Variants in CCSER1 observed in about 807,000 individuals in gnomAD.
The protein encoded by CCSER1 is coiled-coil serine rich protein 1.
A neutral mutation model predicts 82.0 loss-of-function variants in CCSER1; 41 were observed. That is an observed-to-expected ratio of 0.50 (90% CI 0.39 to 0.65). CCSER1 has a LOEUF of 0.65. Among genes scored for constraint, CCSER1 ranks in the 30% least tolerant of loss-of-function variants. The pLI is 0.00. For missense variants in CCSER1, 1,119 were observed against 1,064.2 expected (o/e 1.05, Z -0.72); for synonymous variants, 414 against 383.9 (o/e 1.08, Z -0.92).
At chr4:90,354,074 A>C (rs1743989336) in intron 3 of CCSER1, among the ~76,000 whole-genome samples, 1 of 152,192 alleles carries the variant, frequency 6.6e-6, no homozygotes, top group Admixed American at 6.6e-5. Flanking sequence ...ACAGATAAAG[A>C]ATATGTGGTA....
intron 10 of CCSER1, among the ~76,000 whole-genome samples, chr4:91,241,573 G>A (rs559521815): frequency 0.12 from 18,461 of 150,460 alleles, 1,309 homozygotes; most frequent in Middle Eastern, 0.18. Context: ...TGATCCACCC[G>A]CCTCAGCCTC....
chr4:90,507,410 A>G (rs1299466999), intron 5 of CCSER1, among the ~76,000 whole-genome samples: 1 of 152,010 alleles, frequency 6.6e-6, no homozygotes, highest in African/African-American at 2.4e-5. Context: ...AAAACATACA[A>G]CTATTAAATT....
chr4:91,172,855 T>C (rs1433259084), intron 10 of CCSER1, among the ~76,000 whole-genome samples: 1 of 152,118 alleles, frequency 6.6e-6, no homozygotes, highest in Non-Finnish European at 1.5e-5. Flanking sequence ...ATATTGCTAA[T>C]CTAAACTCAT....
rs545556260 is a variant in CCSER1, at chr4:90,962,231, T to TA, written c.2172+38793dup. Among the ~76,000 whole-genome samples the TA allele has an allele frequency of 3.6e-3, 551 of 151,106 alleles. 5 individuals carry two copies. Among genetic ancestry groups the TA allele is most frequent in the African/African-American group, 0.013 (516 of 41,268 alleles). Reference sequence around the variant, plus strand: ...CTCCTCAAACATTATGATGCCAATGTAAAAAAAAATCTCTTAGTAAAGATA... The same window carrying TA: ...CTCCTCAAACATTATGATGCCAATGTAAAAAAAAAATCTCTTAGTAAAGATA... On this transcript the variant is annotated intron_variant, in intron 9 of 10. Coordinates refer to ENST00000509176, the MANE Select transcript of CCSER1 (RefSeq NM_001145065.2).
chr4:90,960,358 C>T (rs1242585370), intron 9 of CCSER1, among the ~76,000 whole-genome samples: 4 of 152,074 alleles, frequency 2.6e-5, no homozygotes, highest in Admixed American at 1.3e-4. Context: ...ACCTTTGCAC[C>T]ACTCCTTTCC....
chr4:91,063,442 GA>G (rs1391937614), intron 9 of CCSER1, among the ~76,000 whole-genome samples: 2 of 152,086 alleles, frequency 1.3e-5, no homozygotes, highest in Non-Finnish European at 2.9e-5. Flanking sequence ...AATTTGGGAT[GA>G]AAAATAAAGA....
At chr4:91,185,566 A>AGG (rs1051017624) in intron 10 of CCSER1, among the ~76,000 whole-genome samples, 31 of 152,286 alleles carry the variant, frequency 2.0e-4, no homozygotes, top group African/African-American at 7.0e-4. Flanking sequence ...TATGGGGATG[A>AGG]GGGAATGGCC....
intron 1 of CCSER1, among the ~76,000 whole-genome samples, chr4:90,137,944 G>A (rs1182096599): frequency 6.6e-6 from 1 of 152,192 alleles, no homozygotes; most frequent in Non-Finnish European, 1.5e-5. Flanking sequence ...TTCCACATAA[G>A]AAGCATATTC....
intron 4 of CCSER1, among the ~76,000 whole-genome samples, chr4:90,457,835 C>G (rs768632257): frequency 6.6e-6 from 1 of 152,180 alleles, no homozygotes; most frequent in Non-Finnish European, 1.5e-5. Context: ...CACCTCTTTC[C>G]ACCCAGGAGC....
In CCSER1 at chr4:90,248,772, A is replaced by G. The variant is rs151276500; in HGVS notation, c.-41-59472A>G. Among the ~76,000 whole-genome samples, 1,479 of 150,062 alleles carry G rather than the reference A, an allele frequency of 9.9e-3. 22 individuals are homozygous for G. The highest frequency in any genetic ancestry group is 0.035 in the African/African-American group (1,425 of 40,756). ...GAGTGCAGTGGTGTGATCACCGTTC[A>G]CTGAAGCCTCGACCTTCTAGGCTTA... is the stretch of plus-strand genomic sequence containing the variant. On this transcript the variant is annotated intron_variant, in intron 1 of 10. Transcript: ENST00000509176.
intron 10 of CCSER1, among the ~76,000 whole-genome samples, chr4:91,409,778 G>A (rs1222799834): frequency 6.6e-6 from 1 of 152,140 alleles, no homozygotes; most frequent in Non-Finnish European, 1.5e-5. Flanking sequence ...TGCCTCCTGG[G>A]TTCAAGCGAT....
At chr4:91,438,819 AACT>A (rs1754883148) in intron 10 of CCSER1, among the ~76,000 whole-genome samples, 1 of 152,372 alleles carries the variant, frequency 6.6e-6, no homozygotes, top group East Asian at 1.9e-4. Flanking sequence ...AAGGCTCGAG[AACT>A]ACGTGAAGAA....
intron 10 of CCSER1, among the ~76,000 whole-genome samples, chr4:91,218,190 C>G (rs935549405): frequency 6.6e-6 from 1 of 152,240 alleles, no homozygotes; most frequent in African/African-American, 2.4e-5. Flanking sequence ...ACTCAGTACA[C>G]CCTTGGCAGC....
At chr4:90,708,491 G>GGGAATGA (rs1354180076) in intron 6 of CCSER1, among the ~76,000 whole-genome samples, 9 of 152,162 alleles carry the variant, frequency 5.9e-5, no homozygotes, top group African/African-American at 2.2e-4. Context: ...TTCTGGTACC[G>GGGAATGA]GGAATGAGGA....
chr4:91,047,049 A>G (rs1258326811), intron 9 of CCSER1, among the ~76,000 whole-genome samples: 3 of 152,028 alleles, frequency 2.0e-5, no homozygotes, highest in African/African-American at 7.2e-5. Flanking sequence ...TTACATCCTA[A>G]TTTCCACTGA....
intron 9 of CCSER1, among the ~76,000 whole-genome samples, chr4:90,932,752 C>T (rs1156365023): frequency 1.4e-5 from 2 of 141,800 alleles, no homozygotes; most frequent in Admixed American, 7.5e-5. Context: ...CGCTTGAACC[C>T]GAGAGGCAGA....
chr4:91,531,222 T>C (rs2110168496), intron 10 of CCSER1, among the ~76,000 whole-genome samples: 1 of 152,324 alleles, frequency 6.6e-6, no homozygotes, highest in African/African-American at 2.4e-5. Flanking sequence ...TGTATTTCAT[T>C]ATGTACATTG....
At chr4:91,052,329 A>C (rs961957876) in intron 9 of CCSER1, among the ~76,000 whole-genome samples, 20 of 152,246 alleles carry the variant, frequency 1.3e-4, no homozygotes, top group African/African-American at 4.6e-4. Flanking sequence ...AAGGAAAATT[A>C]CTATATGATA....
chr4:90,750,236 G>T (rs7678209), intron 7 of CCSER1, among the ~76,000 whole-genome samples: 27,563 of 151,866 alleles, frequency 0.18, 4,264 homozygotes, highest in African/African-American at 0.42. Context: ...CTCCCATTTT[G>T]TGGGTTGCCT....
Sources: allele counts gnomAD v4.1 joint callset (sites outside exome capture counted in the v4.1 genomes callset), GRCh38; gene constraint gnomAD v4.1.1; transcripts MANE v1.5; gene names NCBI Gene and HGNC (gene_info 2026-07-23, HGNC 2026-07-21).